Variants in ZNF407 observed in about 807,000 individuals in gnomAD.
ZNF407 encodes zinc finger protein 407.
Under a neutral mutation model 131.2 loss-of-function variants are expected in ZNF407, and 17 were observed. The ratio of observed to expected loss-of-function variants is 0.13; its 90% CI spans 0.09 to 0.19. The LOEUF (loss-of-function observed/expected upper bound fraction) is 0.19. ZNF407 is among the 10% of genes least tolerant of loss of function. The pLI is 1.00. For missense variants in ZNF407, 2,681 were observed against 2,830.6 expected, an observed-to-expected ratio of 0.95 and a Z score of 1.20; for synonymous variants, 1,156 against 1,062.0, an observed-to-expected ratio of 1.09 and a Z score of -1.72.
chr18:74,848,437 G>A (rs1291458079), intron 4 of ZNF407, among the ~76,000 whole-genome samples: 1 of 152,110 alleles, frequency 6.6e-6, no homozygotes, highest in Admixed American at 6.5e-5. Flanking sequence ...GGGTTGTGAC[G>A]GATGCTTTAT....
At chr18:75,060,574 C>T (rs1370981527) in intron 8 of ZNF407, among the ~76,000 whole-genome samples, 1 of 139,156 alleles carries the variant, frequency 7.2e-6, no homozygotes, top group Non-Finnish European at 1.5e-5. Context: ...GGCGCGGTCT[C>T]GGCTCACTGC....
intron 3 of ZNF407, among the ~76,000 whole-genome samples, chr18:74,776,902 G>A (rs779555650): frequency 1.3e-5 from 2 of 152,204 alleles, no homozygotes; most frequent in Non-Finnish European, 2.9e-5. Context: ...AAGTGGCAGT[G>A]GCTCATCATA....
intron 3 of ZNF407, among the ~76,000 whole-genome samples, chr18:74,656,696 C>CTA (rs1384460100): frequency 1.3e-5 from 2 of 152,118 alleles, no homozygotes; most frequent in Non-Finnish European, 2.9e-5. Flanking sequence ...TAATGAGTCC[C>CTA]TGTAGCACCT....
At chr18:74,951,524 G>T (rs1289335160) in intron 8 of ZNF407, among the ~76,000 whole-genome samples, 1 of 152,126 alleles carries the variant, frequency 6.6e-6, no homozygotes, top group Non-Finnish European at 1.5e-5. Flanking sequence ...CTCATTGATT[G>T]CATGCCTTTG....
chr18:74,807,434 G>A (rs10083919), intron 4 of ZNF407, among the ~76,000 whole-genome samples: 20,544 of 152,062 alleles, frequency 0.14, 2,481 homozygotes, highest in African/African-American at 0.32. Context: ...GTTTTCACAG[G>A]GCAAGCAAGA....
chr18:74,806,966 T>C (rs1020210891), intron 4 of ZNF407, among the ~76,000 whole-genome samples: 1 of 152,184 alleles, frequency 6.6e-6, no homozygotes, highest in African/African-American at 2.4e-5. Context: ...AAATAAACAC[T>C]TCTTACCCAT....
chr18:74,644,081 T>G (rs1984852104), intron 3 of ZNF407, among the ~76,000 whole-genome samples: 1 of 151,952 alleles, frequency 6.6e-6, no homozygotes, highest in Admixed American at 6.6e-5. Context: ...GGTAAAAATT[T>G]CAAAAATGTA....
At chr18:74,878,638 T>C (rs1971193580) in intron 5 of ZNF407, among the ~76,000 whole-genome samples, 1 of 152,122 alleles carries the variant, frequency 6.6e-6, no homozygotes, top group Non-Finnish European at 1.5e-5. Context: ...GTGGCTGTTT[T>C]CTAATAGAAA....
chr18:74,854,374 G>A (rs193006801), intron 4 of ZNF407, among the ~76,000 whole-genome samples: 29 of 152,252 alleles, frequency 1.9e-4, no homozygotes, highest in Admixed American at 9.8e-4. Context: ...CATAGTATGA[G>A]CTACCTACAT....
chr18:74,948,908 G>T (rs962820840), intron 8 of ZNF407, among the ~76,000 whole-genome samples: 3 of 152,120 alleles, frequency 2.0e-5, no homozygotes, highest in African/African-American at 7.2e-5. Context: ...CTTTTAAGGT[G>T]TTTTATATAA....
chr18:74,759,262 C>G (rs1278313582), intron 3 of ZNF407, among the ~76,000 whole-genome samples: 3 of 152,022 alleles, frequency 2.0e-5, no homozygotes, highest in African/African-American at 7.2e-5. Context: ...TGTTGCTGCT[C>G]TCAGGATTCT....
At chr18:74,601,635 A>G (rs941518584) in intron 1 of ZNF407, among the ~76,000 whole-genome samples, 1 of 152,150 alleles carries the variant, frequency 6.6e-6, no homozygotes, top group South Asian at 2.1e-4. Context: ...GGGAGCTTGC[A>G]TATCCCATGG....
chr18:74,654,276 C>A (rs1233473001), intron 3 of ZNF407, among the ~76,000 whole-genome samples: 1 of 151,722 alleles, frequency 6.6e-6, no homozygotes, highest in African/African-American at 2.4e-5. Context: ...TCCCTCTAAT[C>A]TGATTAAGGC....
At chr18:74,860,699 A>G (rs1189929727) in intron 4 of ZNF407, among the ~76,000 whole-genome samples, 1 of 152,078 alleles carries the variant, frequency 6.6e-6, no homozygotes, top group Non-Finnish European at 1.5e-5. Context: ...TTTGGGTATC[A>G]TAGTGGGGAT....
chr18:74,742,678 C>T (rs536955745), intron 3 of ZNF407, among the ~76,000 whole-genome samples: 6 of 152,198 alleles, frequency 3.9e-5, no homozygotes, highest in Admixed American at 6.5e-5. Context: ...GTTTTGCTTA[C>T]TTGTAGAATG....
At chr18:75,000,461 G>A (rs768473100) in intron 8 of ZNF407, among the ~76,000 whole-genome samples, 7 of 152,166 alleles carry the variant, frequency 4.6e-5, no homozygotes, top group Non-Finnish European at 8.8e-5. Flanking sequence ...ATCCGTCAGG[G>A]CGTGATCTCT....
At chr18:74,936,094 A>G (rs1433163181) in intron 8 of ZNF407, among the ~76,000 whole-genome samples, 1 of 152,156 alleles carries the variant, frequency 6.6e-6, no homozygotes, top group Non-Finnish European at 1.5e-5. Flanking sequence ...CAATTTCTCT[A>G]TCTGCTTCTA....
At chr18:74,993,618 A>T (rs1235206965) in intron 8 of ZNF407, among the ~76,000 whole-genome samples, 8 of 152,184 alleles carry the variant, frequency 5.3e-5, no homozygotes, top group Admixed American at 5.2e-4. Flanking sequence ...CAATTAACTG[A>T]CTATAAATTA....
In ZNF407 at chr18:74,920,653, C is replaced by A. The variant is rs1448008300; in HGVS notation, c.5389C>A (p.Pro1797Thr). The change falls in exon 8 of 9, where the codon CCT becomes ACT. Residue 1797 changes from proline (P) to threonine (T), a missense_variant. This residue lies in a region of ZNF407 where 39 missense variants were observed against 91.8 expected (regional missense o/e 0.42). Coordinates refer to ENST00000299687, the MANE Select transcript of ZNF407 (RefSeq NM_017757.3). ...CCGGAACCATTTGAAGGAACAGCAT[C>A]CTGACATCGAAAACCCGGACCTCGC... ...EFRNHLKEQH[P>T]DIENPDLAYL... is the part of the protein sequence containing the mutation. 1.9e-6 allele frequency: 3 copies of A among 1,609,802 alleles called. No individual in the cohort carries two copies. The highest frequency in any genetic ancestry group is 2.2e-5 in the East Asian group (1 of 44,756).
Sources: allele counts gnomAD v4.1 joint callset (sites outside exome capture counted in the v4.1 genomes callset), GRCh38; gene constraint gnomAD v4.1.1; regional missense constraint gnomAD v4.1.1; transcripts MANE v1.5; gene names NCBI Gene and HGNC (gene_info 2026-07-23, HGNC 2026-07-21).